RGS17: variants seen among roughly 807,000 people sequenced by gnomAD.
RGS17 encodes regulator of G protein signaling 17.
In RGS17, 12 loss-of-function variants were observed where a neutral mutation model predicts 25.5. That is an observed-to-expected ratio of 0.47 (90% CI 0.30 to 0.76). The LOEUF is 0.76. Among genes scored for constraint, RGS17 ranks in the 30% least tolerant of loss-of-function variants. RGS17 has a pLI of 0.07. For synonymous variants in RGS17, 71 were observed against 76.9 expected (o/e 0.92, Z 0.40); for missense variants, 196 against 242.2 (o/e 0.81, Z 1.27).
At chr6:153,107,331 T>G (rs1440788258) in intron 1 of RGS17, among the ~76,000 whole-genome samples, 1 of 152,062 alleles carries the variant, frequency 6.6e-6, no homozygotes, top group Non-Finnish European at 1.5e-5. Flanking sequence ...GAAAATTTTG[T>G]CTCAAAAGAA....
chr6:153,129,920 G>A (rs1777761143), intron 1 of RGS17, among the ~76,000 whole-genome samples: 1 of 152,168 alleles, frequency 6.6e-6, no homozygotes, highest in African/African-American at 2.4e-5. Context: ...GCGAGGCGCA[G>A]GGCTCAGGGC....
intron 1 of RGS17, among the ~76,000 whole-genome samples, chr6:153,052,486 G>A (rs765800948): frequency 3.3e-5 from 5 of 151,862 alleles, no homozygotes; most frequent in Non-Finnish European, 5.9e-5. Flanking sequence ...AAAAGTAATT[G>A]TGGTTTTTTG....
chr6:153,007,555 A>G lies in RGS17; in HGVS notation c.*4019T>C, dbSNP rs1779088678. The G allele has an allele frequency of 6.6e-6, 1 of 151,998 alleles. No individual in the cohort carries two copies. The highest frequency in any genetic ancestry group is 2.4e-5 in the African/African-American group (1 of 41,402). 9.4% of individuals were successfully genotyped at this position (151,998 alleles called of 1,614,324 possible). A position where few individuals can be genotyped will look rare whatever the true frequency, so the allele number is the denominator to read the frequency against. On this transcript the variant is annotated 3_prime_UTR_variant, in exon 5 of 5. Transcript: ENST00000206262. The stretch of plus-strand genomic sequence containing the variant: ...ACATGTTTGATAGGCTTCTATCTAT[A>G]GGCATTTTCTGTCTAAGACTTAAAA...
intron 1 of RGS17, among the ~76,000 whole-genome samples, chr6:153,111,527 A>T (rs1188587904): frequency 6.6e-6 from 1 of 152,176 alleles, no homozygotes; most frequent in Non-Finnish European, 1.5e-5. Context: ...CAGCAGATTT[A>T]AATGTTCCTG....
intron 1 of RGS17, among the ~76,000 whole-genome samples, chr6:153,059,112 G>A (rs866522837): frequency 6.6e-6 from 1 of 151,750 alleles, no homozygotes; most frequent in African/African-American, 2.4e-5. Flanking sequence ...TCACTTGATG[G>A]TGAGTCAGCA....
At chr6:153,071,668 G>T (rs1031095320) in intron 1 of RGS17, among the ~76,000 whole-genome samples, 5 of 152,050 alleles carry the variant, frequency 3.3e-5, no homozygotes, top group African/African-American at 9.7e-5. Context: ...TTCTGTCTTT[G>T]TTATTGGTTT....
intron 1 of RGS17, among the ~76,000 whole-genome samples, chr6:153,103,715 T>A (rs1156400944): frequency 6.6e-6 from 1 of 152,244 alleles, no homozygotes; most frequent in African/African-American, 2.4e-5. Flanking sequence ...ATCTTATCTT[T>A]TCTTTTCTTT....
At chr6:153,035,109 G>T (rs951433944) in intron 2 of RGS17, among the ~76,000 whole-genome samples, 1 of 149,796 alleles carries the variant, frequency 6.7e-6, no homozygotes, top group African/African-American at 2.5e-5. Flanking sequence ...GGCCAAGATC[G>T]CACCACTGCA....
At chr6:153,013,309 C>T (rs1779152830) in intron 4 of RGS17, among the ~76,000 whole-genome samples, 1 of 152,032 alleles carries the variant, frequency 6.6e-6, no homozygotes, top group Non-Finnish European at 1.5e-5. Context: ...TGAACCATGC[C>T]CATATAAGAC....
intron 1 of RGS17, among the ~76,000 whole-genome samples, chr6:153,044,310 A>G (rs1475464765): frequency 6.6e-6 from 1 of 152,198 alleles, no homozygotes; most frequent in East Asian, 1.9e-4. Flanking sequence ...TGGTAAAGTA[A>G]ATATGATAAG....
At chr6:153,025,790 T>C (rs1006888438) in intron 3 of RGS17, among the ~76,000 whole-genome samples, 3 of 150,546 alleles carry the variant, frequency 2.0e-5, no homozygotes, top group Non-Finnish European at 3.0e-5. Flanking sequence ...TAAATATATA[T>C]GTATTTACCT....
Position 153,026,426 on chromosome 6 carries a change from ACAATAG to A in RGS17, c.209+22_209+27del, listed in dbSNP as rs1347941570. 6 of 1,532,276 alleles carry A rather than the reference ACAATAG, an allele frequency of 3.9e-6. No homozygotes were observed. In the African/African-American group the frequency reaches 8.2e-5, roughly 21 times the overall value. The allele number at this position is 1,532,276 out of a possible 1,614,324, so 94.9% of individuals were successfully genotyped here. ...TGTAAATGGCATATAAATGCAAGAA[ACAATAG>A]CTATGTGGTTCTCACACTCACCATT... is the stretch of plus-strand genomic sequence containing the variant. On this transcript the variant is annotated intron_variant, in intron 3 of 4. Transcript: ENST00000206262.
intron 2 of RGS17, among the ~76,000 whole-genome samples, chr6:153,041,409 G>A (rs1010295494): frequency 6.6e-6 from 1 of 152,204 alleles, no homozygotes; most frequent in African/African-American, 2.4e-5. Context: ...GTAGAGAGTT[G>A]ATGCAGCTTC....
intron 1 of RGS17, among the ~76,000 whole-genome samples, chr6:153,088,047 G>T (rs751976188): frequency 6.9e-6 from 1 of 144,240 alleles, no homozygotes; most frequent in Non-Finnish European, 1.6e-5. Flanking sequence ...TCCTCACTTT[G>T]TCATTTCATG....
chr6:153,108,470 G>C (rs767828206), intron 1 of RGS17, among the ~76,000 whole-genome samples: 3 of 151,994 alleles, frequency 2.0e-5, no homozygotes, highest in Non-Finnish European at 4.4e-5. Flanking sequence ...AATTCCTGGA[G>C]GGAAGTCAGA....
intron 2 of RGS17, among the ~76,000 whole-genome samples, chr6:153,028,596 G>A (rs1450146032): frequency 6.6e-6 from 1 of 152,130 alleles, no homozygotes; most frequent in Admixed American, 6.5e-5. Flanking sequence ...GATGGGAAAA[G>A]TGGATGGGGG....
chr6:153,054,010 G>A (rs9371661), intron 1 of RGS17, among the ~76,000 whole-genome samples: 9 of 19,422 alleles, frequency 4.6e-4, no homozygotes, highest in Admixed American at 1.7e-3. Flanking sequence ...ACATATATAC[G>A]TATATATGTA....
At chr6:153,122,936 C>A (rs1777654179) in intron 1 of RGS17, among the ~76,000 whole-genome samples, 1 of 151,406 alleles carries the variant, frequency 6.6e-6, no homozygotes, top group South Asian at 2.1e-4. Context: ...CCTTTTACTC[C>A]AATGTACATT....
intron 1 of RGS17, among the ~76,000 whole-genome samples, chr6:153,122,812 A>G (rs1209205268): frequency 1.3e-5 from 2 of 152,010 alleles, no homozygotes; most frequent in Non-Finnish European, 2.9e-5. Flanking sequence ...CAATTTATCT[A>G]TTTAGAAATA....
Sources: gnomAD v4.1 joint callset for allele counts (sites outside exome capture counted in the v4.1 genomes callset) on GRCh38, gnomAD v4.1.1 for gene constraint, MANE v1.5 for transcripts, NCBI Gene and HGNC (gene_info 2026-07-23, HGNC 2026-07-21) for gene names.